The following SRGAP1 variants were observed in gnomAD, a reference collection of about 807,000 sequenced individuals.
SRGAP1 encodes SLIT-ROBO Rho GTPase activating protein 1.
SRGAP1 carries 43 observed loss-of-function variants against 121.9 expected under a neutral mutation model. The ratio of observed to expected loss-of-function variants is 0.35; its 90% CI spans 0.28 to 0.46. SRGAP1 has a LOEUF of 0.46. SRGAP1 is among the 20% of genes least tolerant of loss of function. SRGAP1 has a pLI of 1.00. For missense variants in SRGAP1, 1,102 were observed against 1,350.9 expected (o/e 0.82, Z 2.89); for synonymous variants, 447 against 485.4 (o/e 0.92, Z 1.04).
intron 12 of SRGAP1, among the ~76,000 whole-genome samples, chr12:64,092,675 T>TA (rs1285959254): frequency 6.6e-6 from 1 of 152,140 alleles, no homozygotes; most frequent in Non-Finnish European, 1.5e-5. Flanking sequence ...CAAATTTGAT[T>TA]ACCTATTTTC....
chr12:64,150,584 G>T lies in SRGAP1; in HGVS notation c.*7912G>T, dbSNP rs2037106724. The T allele has an allele frequency of 6.6e-6, 1 of 152,034 alleles. No homozygotes were observed. The highest frequency in any genetic ancestry group is 1.5e-5 in the Non-Finnish European group (1 of 68,024). 9.4% of individuals were successfully genotyped at this position (152,034 alleles called of 1,614,324 possible). On this transcript the variant is annotated 3_prime_UTR_variant, in exon 22 of 22. Transcript: ENST00000355086. The stretch of plus-strand genomic sequence containing the variant: ...GTGGTCCAGTGGCACATTCAAAATT[G>T]TACAATGACATGACATTAACTCAAA...
intron 17 of SRGAP1, among the ~76,000 whole-genome samples, chr12:64,113,952 TC>T (rs2036474938): frequency 1.3e-5 from 2 of 152,216 alleles, no homozygotes; most frequent in African/African-American, 4.8e-5. Flanking sequence ...CACAACACTT[TC>T]TTTCTCATTT....
At chr12:63,965,159 C>T (rs567287242) in intron 1 of SRGAP1, among the ~76,000 whole-genome samples, 1 of 152,218 alleles carries the variant, frequency 6.6e-6, no homozygotes, top group South Asian at 2.1e-4. Flanking sequence ...AAGAGCCTGG[C>T]TTTTGGGAGG....
intron 12 of SRGAP1, among the ~76,000 whole-genome samples, chr12:64,092,531 G>A (rs1349104701): frequency 1.3e-5 from 2 of 152,092 alleles, no homozygotes; most frequent in African/African-American, 4.8e-5. Context: ...ACCTCTGGCA[G>A]CCTTAAAAAT....
intron 3 of SRGAP1, among the ~76,000 whole-genome samples, chr12:63,999,975 C>T (rs2033828429): frequency 6.6e-6 from 1 of 152,026 alleles, no homozygotes. Flanking sequence ...AGAAGAAACG[C>T]AGGTCAGTGA....
intron 2 of SRGAP1, 33 bp downstream of exon 2, chr12:63,984,175 G>A: frequency 1.6e-6 from 2 of 1,275,860 alleles, no homozygotes; most frequent in Non-Finnish European, 2.1e-6. Flanking sequence ...ACCTTTCCAA[G>A]GGTGATATCC....
chr12:64,101,308 GGTGTGTGTGTGTGTGT>G (rs59020353), intron 15 of SRGAP1, among the ~76,000 whole-genome samples: 1,795 of 138,100 alleles, frequency 0.013, 36 homozygotes, highest in African/African-American at 0.044. Context: ...TGGGGAAAGG[GGTGTGTGTGTGTGTGT>G]GTGTGTGTGT....
At chr12:64,019,866 G>A (rs2034500869) in intron 4 of SRGAP1, among the ~76,000 whole-genome samples, 1 of 152,196 alleles carries the variant, frequency 6.6e-6, no homozygotes, top group African/African-American at 2.4e-5. Flanking sequence ...AATAGTGATT[G>A]TTGAAGTAAC....
Position 64,086,951 on chromosome 12 carries a change from C to T in SRGAP1, c.1409-48C>T, listed in dbSNP as rs745703269. On this transcript the variant is annotated intron_variant, in intron 10 of 21. Coordinates refer to ENST00000355086, the MANE Select transcript of SRGAP1 (RefSeq NM_020762.4). ...GAGATACAAAAGAGTACCACATACA[C>T]TCTGCTGATTCCTTTCAGTTTACTT... 14 of 1,457,498 alleles carry T rather than the reference C, an allele frequency of 9.6e-6. No homozygotes were observed. The East Asian group carries it at 1.4e-4, about 14-fold the overall frequency. The allele number at this position is 1,457,498 out of a possible 1,614,324, so 90.3% of individuals were successfully genotyped here.
intron 1 of SRGAP1, among the ~76,000 whole-genome samples, chr12:63,959,629 A>G (rs1458402553): frequency 6.6e-6 from 1 of 152,144 alleles, no homozygotes; most frequent in Non-Finnish European, 1.5e-5. Context: ...ATTTATTAGT[A>G]ATAAACAGTA....
At chr12:63,863,564 G>A (rs939122311) in intron 1 of SRGAP1, among the ~76,000 whole-genome samples, 20 of 152,224 alleles carry the variant, frequency 1.3e-4, no homozygotes, top group Middle Eastern at 6.8e-3. Context: ...GAGCCACCGC[G>A]CCCAGCCACA....
chr12:63,951,058 C>G (rs368931944), intron 1 of SRGAP1, among the ~76,000 whole-genome samples: 51 of 149,542 alleles, frequency 3.4e-4, no homozygotes, highest in African/African-American at 1.2e-3. Context: ...CATTCGTATC[C>G]TTACTTTATC....
chr12:64,019,139 G>A (rs1373152310), intron 4 of SRGAP1, among the ~76,000 whole-genome samples: 1 of 152,180 alleles, frequency 6.6e-6, no homozygotes, highest in African/African-American at 2.4e-5. Context: ...TGGCAAAGAT[G>A]AACTTGACCA....
At chr12:64,028,884 G>C (rs1035416429) in intron 4 of SRGAP1, among the ~76,000 whole-genome samples, 52 of 152,202 alleles carry the variant, frequency 3.4e-4, no homozygotes, top group Non-Finnish European at 5.9e-4. Flanking sequence ...TTTATTACTT[G>C]TGTTGCATTC....
At chr12:63,971,088 C>T (rs1029224406) in intron 1 of SRGAP1, among the ~76,000 whole-genome samples, 12 of 152,328 alleles carry the variant, frequency 7.9e-5, no homozygotes, top group South Asian at 2.1e-4. Context: ...CTCCTTTTGT[C>T]CATAGTACCC....
At chr12:64,136,151 C>T (rs2036852956) in intron 21 of SRGAP1, among the ~76,000 whole-genome samples, 1 of 152,122 alleles carries the variant, frequency 6.6e-6, no homozygotes. Flanking sequence ...TTGGCAACAC[C>T]CTCACAGATA....
intron 1 of SRGAP1, among the ~76,000 whole-genome samples, chr12:63,967,117 C>A (rs1398543894): frequency 6.6e-6 from 1 of 152,160 alleles, no homozygotes; most frequent in African/African-American, 2.4e-5. Flanking sequence ...GGAGGGCAGG[C>A]AGTAGCCTGG....
At chr12:63,927,805 ATTTG>A (rs1309070637) in intron 1 of SRGAP1, among the ~76,000 whole-genome samples, 332 of 151,896 alleles carry the variant, frequency 2.2e-3, no homozygotes, top group African/African-American at 7.7e-3. Flanking sequence ...CCCTCAAATA[ATTTG>A]TTATTTGAGG....
intron 1 of SRGAP1, among the ~76,000 whole-genome samples, chr12:63,878,151 T>C (rs747538323): frequency 5.3e-5 from 8 of 152,170 alleles, no homozygotes; most frequent in Admixed American, 2.6e-4. Context: ...TGAAATGCGA[T>C]TGGGCATTTG....
Sources: gnomAD v4.1 joint callset for allele counts (sites outside exome capture counted in the v4.1 genomes callset) on GRCh38, gnomAD v4.1.1 for gene constraint, MANE v1.5 for transcripts, NCBI Gene and HGNC (gene_info 2026-07-23, HGNC 2026-07-21) for gene names.